The following GRAMD2B variants were observed in gnomAD, a reference collection of about 807,000 sequenced individuals.
GRAMD2B encodes the protein GRAM domain-containing protein 2B.
Under a neutral mutation model 59.2 loss-of-function variants are expected in GRAMD2B, and 41 were observed. The ratio of observed to expected loss-of-function variants is 0.69; its 90% CI spans 0.54 to 0.90. The LOEUF is 0.90. Among genes scored for constraint, GRAMD2B ranks in the 40% least tolerant of loss-of-function variants. The pLI is 0.00. For synonymous variants in GRAMD2B, 161 were observed against 182.7 expected (o/e 0.88, Z 0.96); for missense variants, 424 against 500.5 (o/e 0.85, Z 1.46).
chr5:126,372,754 A>T (rs1458813740), intron 1 of GRAMD2B, among the ~76,000 whole-genome samples: 1 of 152,182 alleles, frequency 6.6e-6, no homozygotes, highest in African/African-American at 2.4e-5. Flanking sequence ...AAATAAAAAT[A>T]AAATAAAATG....
At chr5:126,440,818 C>T (rs1763159529) in intron 1 of GRAMD2B, among the ~76,000 whole-genome samples, 1 of 152,082 alleles carries the variant, frequency 6.6e-6, no homozygotes, top group Admixed American at 6.5e-5. Flanking sequence ...TAATGAACTA[C>T]ACATTAACAC....
chr5:126,487,551 C>G (rs1773175690), intron 12 of GRAMD2B, among the ~76,000 whole-genome samples: 1 of 152,104 alleles, frequency 6.6e-6, no homozygotes, highest in African/African-American at 2.4e-5. Flanking sequence ...AAGCTTTTGA[C>G]ACATTGCCTA....
Position 126,488,832 on chromosome 5 carries a change from A to G in GRAMD2B, c.1197A>G (p.Val399=), listed in dbSNP as rs753506540. The G allele has an allele frequency of 1.4e-5, 22 of 1,613,838 alleles. No homozygotes were observed. Among genetic ancestry groups the G allele is most frequent in the Admixed American group, 3.3e-5 (2 of 60,014 alleles). The part of the protein sequence containing the change: ...QAAPSGLRSQ[V]QFNVEVLCQE... ...CACCATCTGGCCTGAGGTCACAAGT[A>G]CAATTCAATGTGGAGGTTCTCTGTC... The change falls in exon 13 of 14, where the codon GTA becomes GTG. Residue 399 remains valine (V), a synonymous_variant. Transcript: ENST00000285689.
intron 1 of GRAMD2B, among the ~76,000 whole-genome samples, chr5:126,411,431 G>A (rs934407096): frequency 6.6e-6 from 1 of 151,842 alleles, no homozygotes; most frequent in Admixed American, 6.6e-5. Context: ...GGCTTGATTT[G>A]TGGGTTCTCT....
rs114599433 is a variant in GRAMD2B at position 126,457,650 on chromosome 5, A to G, written c.84-7776A>G. 2.0e-3 allele frequency among the ~76,000 whole-genome samples: 303 copies of G among 152,174 alleles called. 2 individuals are homozygous for G. Among genetic ancestry groups the G allele is most frequent in the African/African-American group, 7.1e-3 (293 of 41,506 alleles). On this transcript the variant is annotated intron_variant, in intron 1 of 13. Coordinates refer to ENST00000285689, the MANE Select transcript of GRAMD2B (RefSeq NM_023927.4). The stretch of plus-strand genomic sequence containing the variant: ...TGTCTCGGGGGGAAAAAAATTGTAT[A>G]TATATCATTGAGAAGGTGACATTCA...
At chr5:126,425,228 T>G (rs1225740703) in intron 1 of GRAMD2B, among the ~76,000 whole-genome samples, 1 of 152,164 alleles carries the variant, frequency 6.6e-6, no homozygotes, top group Non-Finnish European at 1.5e-5. Context: ...TCAACCTAAG[T>G]GTCCATCAAC....
intron 1 of GRAMD2B, among the ~76,000 whole-genome samples, chr5:126,463,783 C>G (rs376742704): frequency 6.6e-6 from 1 of 152,164 alleles, no homozygotes; most frequent in African/African-American, 2.4e-5. Flanking sequence ...CTTTGGGAGG[C>G]CAAGGTGGGC....
chr5:126,461,419 G>T lies in GRAMD2B; in HGVS notation c.84-4007G>T, dbSNP rs80030499. On this transcript the variant is annotated intron_variant, in intron 1 of 13. Transcript: ENST00000285689. ...AAATATTAGATGGCTGATAGGGATT[G>T]TACAACCTGTTTTTGTATGTATAAA... 5.7e-3 allele frequency among the ~76,000 whole-genome samples: 872 copies of T among 152,328 alleles called. 5 individuals carry two copies. Among genetic ancestry groups the T allele is most frequent in the African/African-American group, 0.02 (817 of 41,580 alleles).
At chr5:126,392,154 C>T (rs1431556516) in intron 1 of GRAMD2B, among the ~76,000 whole-genome samples, 7 of 152,090 alleles carry the variant, frequency 4.6e-5, no homozygotes, top group African/African-American at 7.2e-5. Flanking sequence ...AATTGTGTAA[C>T]GCTACAAAAG....
At chr5:126,477,127 ATTTCC>A (rs1770774360) in intron 5 of GRAMD2B, among the ~76,000 whole-genome samples, 1 of 152,234 alleles carries the variant, frequency 6.6e-6, no homozygotes, top group African/African-American at 2.4e-5. Context: ...TCCAATGAGC[ATTTCC>A]TTTGACCATC....
At chr5:126,429,575 C>A (rs1761221073) in intron 1 of GRAMD2B, among the ~76,000 whole-genome samples, 1 of 152,144 alleles carries the variant, frequency 6.6e-6, no homozygotes, top group South Asian at 2.1e-4. Flanking sequence ...TGTACTTCAC[C>A]TAGTGCCTAC....
intron 1 of GRAMD2B, among the ~76,000 whole-genome samples, chr5:126,432,732 G>GT (rs1223858374): frequency 6.6e-6 from 1 of 152,058 alleles, no homozygotes; most frequent in Non-Finnish European, 1.5e-5. Flanking sequence ...TAATAACAAA[G>GT]TTCCATAGTA....
chr5:126,434,882 T>C (rs1762163401), intron 1 of GRAMD2B, among the ~76,000 whole-genome samples: 1 of 152,204 alleles, frequency 6.6e-6, no homozygotes, highest in South Asian at 2.1e-4. Flanking sequence ...TAACCTCTGT[T>C]AGCTGATTGG....
Position 126,484,490 on chromosome 5 carries a change from A to G in GRAMD2B, c.936A>G (p.Val312=), listed in dbSNP as rs1256128046. 8 of 1,613,998 alleles carry G rather than the reference A, an allele frequency of 5.0e-6. No homozygotes were observed. In the Admixed American group the frequency reaches 5.0e-5, roughly 10 times the overall value. The change falls in exon 10 of 14, where the codon GTA becomes GTG. Residue 312 remains valine (V), a synonymous_variant. Transcript: ENST00000285689. ...GGGCAGATGCCCATGTGAACAGAGT[A>G]CCTGAAGGAAAAGCCAAGAGTCTCC... is the stretch of plus-strand genomic sequence containing the variant. ...PTRADAHVNR[V]PEGKAKSLPV...
At chr5:126,412,163 A>G (rs142370976) in intron 1 of GRAMD2B, among the ~76,000 whole-genome samples, 15 of 152,160 alleles carry the variant, frequency 9.9e-5, no homozygotes, top group Admixed American at 3.9e-4. Flanking sequence ...AGGAGTAGTG[A>G]CACTGAGAAT....
Position 126,480,718 on chromosome 5 carries a change from C to G in GRAMD2B, c.735+11C>G. 1.9e-6 allele frequency: 3 copies of G among 1,607,520 alleles called. No individual in the cohort carries two copies. ...TCATCTCTGCCTCTGGTAAGTTGCCCACATAACTATCTAAATGCAAAAGAA... is the reference window on the plus strand; with the variant it reads ...TCATCTCTGCCTCTGGTAAGTTGCCGACATAACTATCTAAATGCAAAAGAA... On this transcript the variant is annotated intron_variant, in intron 8 of 13. Transcript: ENST00000285689.
At chr5:126,394,231 C>T (rs1757141732) in intron 1 of GRAMD2B, among the ~76,000 whole-genome samples, 1 of 150,394 alleles carries the variant, frequency 6.6e-6, no homozygotes. Flanking sequence ...GGCGAGATGG[C>T]GCCACTGCAG....
At chr5:126,383,856 A>G (rs1327629399) in intron 1 of GRAMD2B, among the ~76,000 whole-genome samples, 1 of 152,186 alleles carries the variant, frequency 6.6e-6, no homozygotes, top group Non-Finnish European at 1.5e-5. Flanking sequence ...GCATATAAAG[A>G]TTTCAGAAGT....
Position 126,486,367 on chromosome 5 carries a change from C to T in GRAMD2B, c.1059-506C>T, listed in dbSNP as rs534888243. Among the ~76,000 whole-genome samples the T allele has an allele frequency of 2.8e-4, 43 of 152,332 alleles. 1 individual carries two copies. Among genetic ancestry groups the T allele is most frequent in the Middle Eastern group, 6.8e-3 (2 of 294 alleles). ...GCCAACACAACTTGAAAATGTTGTC[C>T]TCATCCCCTTTACCAAAAATGTAGG... On this transcript the variant is annotated intron_variant, in intron 11 of 13. Coordinates refer to ENST00000285689, the MANE Select transcript of GRAMD2B (RefSeq NM_023927.4).
Sources: gnomAD v4.1 joint callset for allele counts (sites outside exome capture counted in the v4.1 genomes callset) on GRCh38, gnomAD v4.1.1 for gene constraint, MANE v1.5 for transcripts, NCBI Gene and HGNC (gene_info 2026-07-23, HGNC 2026-07-21) for gene names.